WFDC8: variants seen among roughly 807,000 people sequenced by gnomAD.
WFDC8 encodes the protein WAP four-disulfide core domain 8, also known as WAP four-disulfide core domain protein 8.
A neutral mutation model predicts 27.0 loss-of-function variants in WFDC8; 24 were observed. The observed-to-expected ratio is 0.89, with a 90% CI of 0.64 to 1.25. The LOEUF (loss-of-function observed/expected upper bound fraction) is 1.25, where lower values mean the gene tolerates loss of function less well. Among genes scored for constraint, WFDC8 ranks in the 50% most tolerant of loss-of-function variants. The pLI is 0.00. For synonymous variants in WFDC8, 106 were observed against 99.7 expected (o/e 1.06, Z -0.38); for missense variants, 287 against 295.9 (o/e 0.97, Z 0.22).
At chr20:45,556,897 C>T (rs1185014791) in intron 3 of WFDC8, among the ~76,000 whole-genome samples, 1 of 152,132 alleles carries the variant, frequency 6.6e-6, no homozygotes, top group Non-Finnish European at 1.5e-5. Context: ...AAAACACTTC[C>T]CAAAGCCAAA....
intron 1 of WFDC8, among the ~76,000 whole-genome samples, chr20:45,564,665 A>G (rs1186407210): frequency 9.4e-5 from 12 of 127,578 alleles, no homozygotes; most frequent in African/African-American, 3.5e-4. Context: ...ATAGAGAGAG[A>G]CTCTGTCTCA....
At chr20:45,572,031 T>C (rs1379720722) in intron 1 of WFDC8, among the ~76,000 whole-genome samples, 1 of 152,214 alleles carries the variant, frequency 6.6e-6, no homozygotes, top group Non-Finnish European at 1.5e-5. Context: ...ATTCTACTTT[T>C]AGTATTTTTG....
chr20:45,564,535 G>C (rs997679979), intron 1 of WFDC8, among the ~76,000 whole-genome samples: 3 of 152,046 alleles, frequency 2.0e-5, no homozygotes, highest in Admixed American at 2.0e-4. Context: ...TTAACCGGGC[G>C]TGGTGGCGGG....
Position 45,560,766 on chromosome 20 carries a change from T to C in WFDC8, c.136+1344A>G, listed in dbSNP as rs186642781. On this transcript the variant is annotated intron_variant, in intron 2 of 5. Transcript: ENST00000289953. The stretch of plus-strand genomic sequence containing the variant: ...TGAGACTTTGAGTACTTTCCAACAA[T>C]ACTTCTTGTCATTAATGACCCCCTC... Among the ~76,000 whole-genome samples, 497 of 152,320 alleles carry C rather than the reference T, an allele frequency of 3.3e-3. 3 individuals carry two copies. Among genetic ancestry groups the C allele is most frequent in the African/African-American group, 0.011 (470 of 41,574 alleles).
chr20:45,569,523 A>T (rs772073820), intron 1 of WFDC8, among the ~76,000 whole-genome samples: 2 of 152,236 alleles, frequency 1.3e-5, no homozygotes, highest in African/African-American at 4.8e-5. Context: ...TAAATAATTT[A>T]AATTTTAATT....
In WFDC8 at chr20:45,553,174, T is replaced by C; in HGVS notation, c.548A>G (p.Glu183Gly). 5.6e-6 allele frequency: 9 copies of C among 1,613,800 alleles called. No individual in the cohort carries two copies. Among genetic ancestry groups the C allele is most frequent in the Non-Finnish European group, 6.8e-6 (8 of 1,179,796 alleles). The change falls in exon 5 of 6, where the codon GAA (glutamate) becomes GGA (glycine). Residue 183 changes from glutamate (E) to glycine (G), a missense_variant. By Grantham distance (98) the Glu-to-Gly change is moderately conservative (BLOSUM62 -2). Coordinates refer to ENST00000289953, the MANE Select transcript of WFDC8 (RefSeq NM_130896.3). ...IDCPQTDKCC[E>G]SRCGFVCARA... ...GGCACAAACAAAGCCACACCTGGAT[T>C]CACAACATTTGTCTGTCTGGGGACA...
chr20:45,576,979 T>G (rs192369813), intron 1 of WFDC8, among the ~76,000 whole-genome samples: 1 of 151,560 alleles, frequency 6.6e-6, no homozygotes, highest in Admixed American at 6.6e-5. Context: ...CTTGCCAATT[T>G]GCCTACTTGC....
intron 1 of WFDC8, among the ~76,000 whole-genome samples, chr20:45,574,037 A>T (rs1407887980): frequency 1.3e-5 from 2 of 152,182 alleles, no homozygotes; most frequent in Non-Finnish European, 2.9e-5. Context: ...AGGATTTTTT[A>T]AATTTCTATA....
At chr20:45,555,170 A>C (rs938361201) in intron 4 of WFDC8, among the ~76,000 whole-genome samples, 2 of 152,230 alleles carry the variant, frequency 1.3e-5, no homozygotes, top group Non-Finnish European at 2.9e-5. Flanking sequence ...ATTTAAATTC[A>C]GGTCATTTGA....
intron 5 of WFDC8, among the ~76,000 whole-genome samples, chr20:45,552,378 T>A (rs1980065729): frequency 6.6e-6 from 1 of 152,204 alleles, no homozygotes; most frequent in African/African-American, 2.4e-5. Context: ...CATCTCTGAC[T>A]TGTACCATCT....
rs149951515 is a variant in WFDC8, at chr20:45,576,502, T to C, written c.26+2720A>G. Among the ~76,000 whole-genome samples the C allele has an allele frequency of 2.4e-4, 36 of 151,436 alleles. 1 individual carries two copies. In the South Asian group the frequency reaches 4.8e-3, roughly 20 times the overall value. On this transcript the variant is annotated intron_variant, in intron 1 of 5. Coordinates refer to ENST00000289953, the MANE Select transcript of WFDC8 (RefSeq NM_130896.3). ...CCAACCTCCCTCTCCTGGGTTCAAATGATTCTTGTGCCTCGGCCTCCCAAG... is the reference window on the plus strand; with the variant it reads ...CCAACCTCCCTCTCCTGGGTTCAAACGATTCTTGTGCCTCGGCCTCCCAAG...
At chr20:45,578,313 G>A (rs1206359207) in intron 1 of WFDC8, among the ~76,000 whole-genome samples, 1 of 151,354 alleles carries the variant, frequency 6.6e-6, no homozygotes, top group Non-Finnish European at 1.5e-5. Context: ...CTACCCCCAA[G>A]TAATGGGAAT....
intron 1 of WFDC8, among the ~76,000 whole-genome samples, chr20:45,571,370 A>G (rs1555799029): frequency 6.6e-6 from 1 of 152,114 alleles, no homozygotes; most frequent in Non-Finnish European, 1.5e-5. Context: ...GACTAATAAT[A>G]ATTATTTATA....
intron 4 of WFDC8, 95 bp from the exon 5 acceptor site, chr20:45,553,371 T>C: frequency 4.1e-6 from 6 of 1,470,700 alleles, no homozygotes; most frequent in Non-Finnish European, 5.4e-6. Context: ...AGTATCCCTT[T>C]CTGCAACTTG....
chr20:45,555,033 T>C (rs768187375), intron 4 of WFDC8, among the ~76,000 whole-genome samples: 3 of 152,230 alleles, frequency 2.0e-5, no homozygotes, highest in Non-Finnish European at 1.5e-5. Flanking sequence ...CTCTATCAAG[T>C]CTTTGTGTTT....
At chr20:45,552,236 T>C (rs1236967579) in intron 5 of WFDC8, 71 bp from the exon 6 acceptor site, 13 of 1,573,196 alleles carry the variant, frequency 8.3e-6, no homozygotes, top group Admixed American at 1.8e-5. Context: ...TTGAGGAATC[T>C]TGGGAATCTC....
intron 1 of WFDC8, among the ~76,000 whole-genome samples, chr20:45,572,481 T>G (rs944117904): frequency 6.6e-6 from 1 of 152,092 alleles, no homozygotes; most frequent in Admixed American, 6.5e-5. Flanking sequence ...ATAACAGACA[T>G]TCTAACAGGC....
chr20:45,558,118 T>G (rs1980334611), intron 3 of WFDC8, among the ~76,000 whole-genome samples: 1 of 152,194 alleles, frequency 6.6e-6, no homozygotes, highest in Non-Finnish European at 1.5e-5. Context: ...GTATTCTGTA[T>G]TGTTAAGATT....
At chr20:45,556,359 T>A (rs549366234) in intron 3 of WFDC8, among the ~76,000 whole-genome samples, 1 of 152,230 alleles carries the variant, frequency 6.6e-6, no homozygotes, top group African/African-American at 2.4e-5. Flanking sequence ...TTTTAGACTA[T>A]ATAAATTATG....
Sources: gnomAD v4.1 joint callset for allele counts (sites outside exome capture counted in the v4.1 genomes callset) on GRCh38, gnomAD v4.1.1 for gene constraint, MANE v1.5 for transcripts, NCBI Gene and HGNC (gene_info 2026-07-23, HGNC 2026-07-21) for gene names.